CACNG3: variants seen among roughly 807,000 people sequenced by gnomAD.
CACNG3 encodes voltage-dependent calcium channel gamma-3 subunit.
In CACNG3, 3 loss-of-function variants were observed where a neutral mutation model predicts 28.5. That is an observed-to-expected ratio of 0.11 (90% CI 0.05 to 0.27). The LOEUF (loss-of-function observed/expected upper bound fraction) is 0.27. CACNG3 is among the 10% of genes least tolerant of loss of function. The pLI is 1.00. For synonymous variants in CACNG3, 174 were observed against 162.2 expected, an observed-to-expected ratio of 1.07 and a Z score of -0.55; for missense variants, 236 against 414.4, an observed-to-expected ratio of 0.57 and a Z score of 3.74.
At chr16:24,324,344 T>A (rs1171844589) in intron 1 of CACNG3, among the ~76,000 whole-genome samples, 1 of 152,174 alleles carries the variant, frequency 6.6e-6, no homozygotes, top group Non-Finnish European at 1.5e-5. Context: ...TTAATTTCCT[T>A]GCTAAATCTG....
At chr16:24,350,316 CT>C (rs111389260) in intron 2 of CACNG3, among the ~76,000 whole-genome samples, 7,067 of 142,792 alleles carry the variant, frequency 0.049, 184 homozygotes, top group South Asian at 0.14. Flanking sequence ...CAAACATAAA[CT>C]TTTTTTTTTT....
chr16:24,267,109 G>A (rs1397536984), intron 1 of CACNG3, among the ~76,000 whole-genome samples: 1 of 151,756 alleles, frequency 6.6e-6, no homozygotes, highest in Non-Finnish European at 1.5e-5. Context: ...TGGGACTACA[G>A]GAGCCCGCCA....
intron 2 of CACNG3, among the ~76,000 whole-genome samples, chr16:24,353,660 G>A (rs1434850945): frequency 1.3e-5 from 2 of 152,176 alleles, no homozygotes; most frequent in African/African-American, 4.8e-5. Context: ...TGCAGCACCC[G>A]CCACAACACC....
intron 1 of CACNG3, among the ~76,000 whole-genome samples, chr16:24,320,520 T>C (rs866252768): frequency 6.6e-6 from 1 of 152,152 alleles, no homozygotes; most frequent in South Asian, 2.1e-4. Context: ...GATAAGGGAT[T>C]GTGGACCTTA....
intron 1 of CACNG3, among the ~76,000 whole-genome samples, chr16:24,328,875 C>G (rs1253979156): frequency 6.6e-6 from 1 of 152,170 alleles, no homozygotes; most frequent in Non-Finnish European, 1.5e-5. Context: ...CCTCTGATAA[C>G]CTGGGATGCC....
chr16:24,326,492 T>C (rs1485711082), intron 1 of CACNG3, among the ~76,000 whole-genome samples: 1 of 152,202 alleles, frequency 6.6e-6, no homozygotes, highest in Non-Finnish European at 1.5e-5. Context: ...TTCTCAACAT[T>C]TCTAACCAAT....
At chr16:24,308,839 CAAAAAAAAA>C (rs71154298) in intron 1 of CACNG3, among the ~76,000 whole-genome samples, 818 of 27,290 alleles carry the variant, frequency 0.03, 7 homozygotes, top group African/African-American at 0.075. Flanking sequence ...GAACCTACCT[CAAAAAAAAA>C]AAAAAAAAAA....
chr16:24,335,656 C>A (rs1234587947), intron 1 of CACNG3, among the ~76,000 whole-genome samples: 1 of 152,170 alleles, frequency 6.6e-6, no homozygotes, highest in Non-Finnish European at 1.5e-5. Flanking sequence ...AATCCATGCT[C>A]CTCAGCTCAT....
At chr16:24,310,393 G>T (rs1322883356) in intron 1 of CACNG3, among the ~76,000 whole-genome samples, 1 of 152,016 alleles carries the variant, frequency 6.6e-6, no homozygotes, top group African/African-American at 2.4e-5. Flanking sequence ...ACAAAACCCT[G>T]TCTCTACTAA....
chr16:24,360,470 C>T (rs1900091090), intron 3 of CACNG3, among the ~76,000 whole-genome samples: 2 of 152,118 alleles, frequency 1.3e-5, no homozygotes, highest in South Asian at 4.1e-4. Context: ...GTCCTGGTGC[C>T]CTGGTGCTCA....
At chr16:24,324,262 G>T (rs555883636) in intron 1 of CACNG3, among the ~76,000 whole-genome samples, 1 of 152,284 alleles carries the variant, frequency 6.6e-6, no homozygotes, top group South Asian at 2.1e-4. Flanking sequence ...TATTTCTAGT[G>T]GATACAGAAT....
chr16:24,268,782 G>T (rs8048987), intron 1 of CACNG3, among the ~76,000 whole-genome samples: 109,848 of 152,046 alleles, frequency 0.72, 40,069 homozygotes, highest in African/African-American at 0.82. Context: ...TTCGCCAATG[G>T]GGGGATGGCA....
Position 24,256,535 on chromosome 16 carries a change from G to C in CACNG3, c.-220G>C, listed in dbSNP as rs149431324. On this transcript the variant is annotated 5_prime_UTR_variant, in exon 1 of 4. Transcript: ENST00000005284. The surrounding 1 kb of genome is among the most constrained non-coding windows in gnomAD (Gnocchi z 4.6). ...CAGCAGTGATGCGGACCAACCCCCC[G>C]GAGCCTGCACCCTTCCGAGGGCCAT... 2.9e-4 allele frequency: 162 copies of C among 559,740 alleles called. No individual in the cohort carries two copies. Among genetic ancestry groups the C allele is most frequent in the African/African-American group, 2.5e-3 (132 of 53,212 alleles). The allele number at this position is 559,740 out of a possible 1,614,324, so 34.7% of individuals were successfully genotyped here. A position where few individuals can be genotyped will look rare whatever the true frequency, so the allele number is the denominator to read the frequency against.
At chr16:24,351,866 G>A (rs1173522540) in intron 2 of CACNG3, among the ~76,000 whole-genome samples, 2 of 121,334 alleles carry the variant, frequency 1.6e-5, no homozygotes, top group Non-Finnish European at 3.2e-5. Context: ...ACAGAATCTC[G>A]CAGTGGCGCG....
intron 1 of CACNG3, among the ~76,000 whole-genome samples, chr16:24,312,955 G>GAAAGAGAGAGAA (rs376780380): frequency 9.0e-6 from 1 of 110,806 alleles, no homozygotes; most frequent in African/African-American, 3.8e-5. Flanking sequence ...AAGAAAGAAA[G>GAAAGAGAGAGAA]AGAAAGAAAG....
chr16:24,280,474 CTGTT>C (rs1163281060), intron 1 of CACNG3, among the ~76,000 whole-genome samples: 1 of 152,146 alleles, frequency 6.6e-6, no homozygotes, highest in Non-Finnish European at 1.5e-5. Flanking sequence ...CAACCACACA[CTGTT>C]TGGGGATGAA....
intron 1 of CACNG3, among the ~76,000 whole-genome samples, chr16:24,315,090 C>T (rs1280036875): frequency 3.9e-5 from 6 of 152,258 alleles, no homozygotes; most frequent in South Asian, 4.1e-4. Flanking sequence ...GTGGCTGGTG[C>T]TGCCACTTCC....
chr16:24,349,641 A>G (rs540068282), intron 2 of CACNG3, among the ~76,000 whole-genome samples: 1 of 152,338 alleles, frequency 6.6e-6, no homozygotes, highest in Admixed American at 6.5e-5. Flanking sequence ...CTAATGTATT[A>G]TAATTAGCAT....
chr16:24,323,882 C>T (rs977381715), intron 1 of CACNG3, among the ~76,000 whole-genome samples: 4 of 152,174 alleles, frequency 2.6e-5, no homozygotes, highest in Non-Finnish European at 5.9e-5. Context: ...ATTCTTCTGC[C>T]TCAGTCTCCC....
Sources: gnomAD v4.1 joint callset for allele counts (sites outside exome capture counted in the v4.1 genomes callset) on GRCh38, gnomAD v4.1.1 for gene constraint, Gnocchi (gnomAD v3.1) non-coding constraint, MANE v1.5 for transcripts, NCBI Gene and HGNC (gene_info 2026-07-23, HGNC 2026-07-21) for gene names.